Variants in RNF214 observed in about 807,000 individuals in gnomAD.
RNF214 encodes ring finger protein 214.
Under a neutral mutation model 75.9 loss-of-function variants are expected in RNF214, and 25 were observed. The ratio of observed to expected loss-of-function variants is 0.33; its 90% CI spans 0.24 to 0.46. The LOEUF (loss-of-function observed/expected upper bound fraction) is 0.46, where lower values mean the gene tolerates loss of function less well. RNF214 is among the 20% of genes least tolerant of loss of function. The pLI is 1.00. For missense variants in RNF214, 725 were observed against 857.5 expected, an observed-to-expected ratio of 0.85 and a Z score of 1.93; for synonymous variants, 314 against 308.8, an observed-to-expected ratio of 1.02 and a Z score of -0.18.
intron 6 of RNF214, among the ~76,000 whole-genome samples, chr11:117,278,643 G>A (rs1204583240): frequency 6.6e-6 from 1 of 152,140 alleles, no homozygotes; most frequent in African/African-American, 2.4e-5. Context: ...CATGTAAGGA[G>A]GGAGGAAACC....
intron 3 of RNF214, 84 bp from the exon 4 acceptor site, chr11:117,239,717 T>G: frequency 1.3e-6 from 1 of 762,124 alleles, no homozygotes; most frequent in African/African-American, 1.7e-5. Context: ...GTTAGTTACC[T>G]GTGGCGGAAT....
chr11:117,262,020 T>A (rs1378545515), intron 6 of RNF214, among the ~76,000 whole-genome samples: 1 of 152,046 alleles, frequency 6.6e-6, no homozygotes, highest in Non-Finnish European at 1.5e-5. Flanking sequence ...AAGACATTGT[T>A]TTTATATGTT....
chr11:117,282,607 G>A (rs1206033574), intron 12 of RNF214, 71 bp downstream of exon 12: 8 of 1,582,952 alleles, frequency 5.1e-6, no homozygotes, highest in African/African-American at 1.3e-5. Flanking sequence ...TCAGAAAAAT[G>A]TGGGGTGGGA....
At chr11:117,278,689 A>AT (rs1352250442) in intron 6 of RNF214, among the ~76,000 whole-genome samples, 2 of 152,082 alleles carry the variant, frequency 1.3e-5, no homozygotes, top group Non-Finnish European at 2.9e-5. Flanking sequence ...TGAAGAGAAC[A>AT]TTTTTTTCCT....
At chr11:117,261,982 C>T (rs1430658342) in intron 6 of RNF214, among the ~76,000 whole-genome samples, 1 of 151,472 alleles carries the variant, frequency 6.6e-6, no homozygotes, top group Non-Finnish European at 1.5e-5. Flanking sequence ...AACCAACCTT[C>T]CATTTGTGAG....
chr11:117,276,338 A>G (rs896707346), intron 6 of RNF214, among the ~76,000 whole-genome samples: 1 of 152,222 alleles, frequency 6.6e-6, no homozygotes, highest in African/African-American at 2.4e-5. Flanking sequence ...GGCCGGGCAC[A>G]GTGGCTCATG....
intron 1 of RNF214, 119 bp from the exon 2 acceptor site, chr11:117,234,148 C>T: frequency 1.4e-6 from 1 of 730,470 alleles, no homozygotes; most frequent in South Asian, 1.8e-5. Flanking sequence ...TCCCGGAGCC[C>T]AGGTTTTTGT....
At chr11:117,241,526 G>A (rs2033080084) in intron 4 of RNF214, among the ~76,000 whole-genome samples, 1 of 149,740 alleles carries the variant, frequency 6.7e-6, no homozygotes, top group Admixed American at 6.7e-5. Flanking sequence ...GTTGCAGTAA[G>A]CTGAGATTGC....
intron 4 of RNF214, among the ~76,000 whole-genome samples, chr11:117,243,187 C>A (rs916488728): frequency 2.0e-5 from 3 of 152,206 alleles, no homozygotes; most frequent in African/African-American, 4.8e-5. Context: ...CGCTCTGTCA[C>A]CCAGTCTGGA....
chr11:117,246,974 CTGTG>C (rs1187352842), intron 6 of RNF214, 26 bp downstream of exon 6: 1 of 1,584,270 alleles, frequency 6.3e-7, no homozygotes, highest in Non-Finnish European at 8.6e-7. Flanking sequence ...AATAAAAACC[CTGTG>C]TGTATGTATA....
rs925078064 is a variant in RNF214 at position 117,239,917 on chromosome 11, G to A, written c.678+57G>A. On this transcript the variant is annotated intron_variant, in intron 4 of 14. Transcript: ENST00000300650. ...GCCATTATCAAATAGAAGATCTAGA[G>A]GCATATCATCTCAGTTGGAAAAGGT... The A allele has an allele frequency of 3.1e-5, 29 of 925,314 alleles. No homozygotes were observed. In the African/African-American group the frequency reaches 4.3e-4, roughly 14 times the overall value. 57.3% of individuals were successfully genotyped at this position (925,314 alleles called of 1,614,324 possible).
intron 6 of RNF214, among the ~76,000 whole-genome samples, chr11:117,265,219 C>G (rs899808888): frequency 2.0e-5 from 3 of 151,900 alleles, no homozygotes; most frequent in Non-Finnish European, 2.9e-5. Context: ...ATTGGATGTT[C>G]TTTAGAATTC....
intron 3 of RNF214, 106 bp from the exon 4 acceptor site, chr11:117,239,695 A>G: frequency 2.9e-6 from 2 of 699,886 alleles, no homozygotes; most frequent in South Asian, 3.1e-5. Flanking sequence ...TGGTAAGGGG[A>G]AAGAGTAAAA....
intron 2 of RNF214, among the ~76,000 whole-genome samples, chr11:117,236,643 G>A (rs1246548834): frequency 6.6e-6 from 1 of 152,170 alleles, no homozygotes; most frequent in Non-Finnish European, 1.5e-5. Context: ...AGTTCCATAC[G>A]TGGTAACACA....
intron 6 of RNF214, among the ~76,000 whole-genome samples, chr11:117,255,493 A>G (rs762793179): frequency 1.3e-5 from 2 of 151,912 alleles, no homozygotes; most frequent in Non-Finnish European, 2.9e-5. Context: ...TCAATATTCA[A>G]TATAATTTCT....
chr11:117,283,039 C>A, intron 13 of RNF214, 76 bp from the exon 14 acceptor site: 1 of 1,101,554 alleles, frequency 9.1e-7, no homozygotes, highest in Non-Finnish European at 1.4e-6. Flanking sequence ...CTTTTTGCTG[C>A]ATGGAATTAT....
At chr11:117,237,053 C>G (rs546144169) in intron 2 of RNF214, among the ~76,000 whole-genome samples, 1 of 152,230 alleles carries the variant, frequency 6.6e-6, no homozygotes, top group Non-Finnish European at 1.5e-5. Flanking sequence ...ACAGTTAACT[C>G]CCAGCAGGAA....
chr11:117,285,312 C>G lies in RNF214; in HGVS notation c.*161C>G, dbSNP rs376733603. On this transcript the variant is annotated 3_prime_UTR_variant, in exon 15 of 15. Transcript: ENST00000300650. ...TATAGAAAGTCTGTATTCCAATGTTCGTAAATGAAACTATGTATATTATGC... is the reference window on the plus strand; with the variant it reads ...TATAGAAAGTCTGTATTCCAATGTTGGTAAATGAAACTATGTATATTATGC... 22 of 543,702 alleles carry G rather than the reference C, an allele frequency of 4.0e-5. No individual in the cohort carries two copies. The highest frequency in any genetic ancestry group is 4.3e-5 in the Non-Finnish European group (13 of 305,400). The allele number at this position is 543,702 out of a possible 1,614,324, so 33.7% of individuals were successfully genotyped here.
intron 6 of RNF214, among the ~76,000 whole-genome samples, chr11:117,272,318 T>C (rs1376724453): frequency 1.3e-5 from 2 of 152,140 alleles, no homozygotes; most frequent in Admixed American, 6.6e-5. Context: ...TAATATGGTT[T>C]AAGGGGTGGC....
Sources: gnomAD v4.1 joint callset for allele counts (sites outside exome capture counted in the v4.1 genomes callset) on GRCh38, gnomAD v4.1.1 for gene constraint, MANE v1.5 for transcripts, NCBI Gene and HGNC (gene_info 2026-07-23, HGNC 2026-07-21) for gene names.